PTPRM: variants seen among roughly 807,000 people sequenced by gnomAD.
The protein encoded by PTPRM is receptor-type tyrosine-protein phosphatase mu.
In PTPRM, 47 loss-of-function variants were observed where a neutral mutation model predicts 186.7. That is an observed-to-expected ratio of 0.25 (90% confidence interval 0.20 to 0.32). The LOEUF is 0.32. Ranked by LOEUF, PTPRM falls within the 10% of genes least tolerant of loss-of-function variation. The pLI is 1.00. For missense variants in PTPRM, 1,494 were observed against 1,865.0 expected (o/e 0.80, Z 3.66); for synonymous variants, 668 against 674.9 (o/e 0.99, Z 0.16).
At chr18:8,257,912 A>C (rs1055648189) in intron 19 of PTPRM, among the ~76,000 whole-genome samples, 1 of 152,244 alleles carries the variant, frequency 6.6e-6, no homozygotes, top group African/African-American at 2.4e-5. Context: ...CAAGTAGCCG[A>C]CAGAAGTATG....
intron 1 of PTPRM, among the ~76,000 whole-genome samples, chr18:7,770,664 T>C (rs940854425): frequency 6.6e-6 from 1 of 152,240 alleles, no homozygotes; most frequent in South Asian, 2.1e-4. Context: ...AGTGGAAGAA[T>C]TGGGGATATG....
intron 8 of PTPRM, among the ~76,000 whole-genome samples, chr18:8,074,170 ATCCTAGGCAGGCT>A (rs1369673020): frequency 6.6e-6 from 1 of 152,166 alleles, no homozygotes; most frequent in East Asian, 1.9e-4. Flanking sequence ...TCCTTTTGAA[ATCCTAGGCAGGCT>A]TTCCAATCTG....
intron 1 of PTPRM, among the ~76,000 whole-genome samples, chr18:7,753,088 G>A (rs1286777109): frequency 6.6e-6 from 1 of 152,050 alleles, no homozygotes; most frequent in East Asian, 1.9e-4. Flanking sequence ...GTTTGGAAGG[G>A]GATACAGGTC....
intron 22 of PTPRM, among the ~76,000 whole-genome samples, chr18:8,325,435 C>T (rs1175206453): frequency 4.6e-5 from 7 of 152,100 alleles, no homozygotes; most frequent in East Asian, 1.9e-4. Flanking sequence ...TCCGTTCCTG[C>T]GATTGGTCAG....
In PTPRM at chr18:8,344,448, G is replaced by GTGTA. The variant is rs1360655194; in HGVS notation, c.3054+929_3054+930insGTAT. ...TATATATATGTGTGTGTGTGTGTGT[G>GTGTA]TATATATATATATATATATATATAT... is the stretch of plus-strand genomic sequence containing the variant. On this transcript the variant is annotated intron_variant, in intron 23 of 32. Coordinates refer to ENST00000580170, the MANE Select transcript of PTPRM (RefSeq NM_001105244.2). Among the ~76,000 whole-genome samples, 254 of 33,406 alleles carry GTGTA rather than the reference G, an allele frequency of 7.6e-3. 1 individual carries two copies. The highest frequency in any genetic ancestry group is 0.017 in the African/African-American group (222 of 13,378). 21.9% of individuals were successfully genotyped at this position (33,406 alleles called of 152,430 possible). A position where few individuals can be genotyped will look rare whatever the true frequency, so the allele number is the denominator to read the frequency against.
chr18:7,768,509 A>T (rs139802409), intron 1 of PTPRM, among the ~76,000 whole-genome samples: 1 of 152,150 alleles, frequency 6.6e-6, no homozygotes, highest in Non-Finnish European at 1.5e-5. Flanking sequence ...CACAAAGAAT[A>T]AAAAGCATGT....
intron 14 of PTPRM, among the ~76,000 whole-genome samples, chr18:8,164,786 A>G (rs1168653635): frequency 6.6e-6 from 1 of 152,232 alleles, no homozygotes; most frequent in African/African-American, 2.4e-5. Context: ...ATAGTTGCAC[A>G]ACTATGTGCA....
At chr18:8,086,985 A>G (rs1405634282) in intron 10 of PTPRM, among the ~76,000 whole-genome samples, 1 of 152,138 alleles carries the variant, frequency 6.6e-6, no homozygotes, top group Admixed American at 6.6e-5. Context: ...ATAATTAGAG[A>G]TTAGAAAACT....
At chr18:7,658,363 T>TAC (rs57183909) in intron 1 of PTPRM, among the ~76,000 whole-genome samples, 49 of 142,100 alleles carry the variant, frequency 3.4e-4, no homozygotes, top group South Asian at 6.6e-4. Context: ...TATATATACA[T>TAC]ACACACACAC....
rs2094428012 is a variant in PTPRM at position 8,240,853 on chromosome 18, AAG to A, written c.2301-3203_2301-3202del. ...AAGAAAGAAAGAAAGAAAAGAAAGA[AAG>A]AAAGAAATTGAAAGTTTGTGGCAAC... On this transcript the variant is annotated intron_variant, in intron 14 of 32. Transcript: ENST00000580170. 2.1e-5 allele frequency among the ~76,000 whole-genome samples: 3 copies of A among 145,676 alleles called. No individual in the cohort carries two copies. In the South Asian group the frequency reaches 6.6e-4, roughly 32 times the overall value.
chr18:7,719,771 T>C (rs1331122380), intron 1 of PTPRM, among the ~76,000 whole-genome samples: 2 of 152,126 alleles, frequency 1.3e-5, no homozygotes, highest in Admixed American at 1.3e-4. Flanking sequence ...CAAGGAAAAA[T>C]AGAGGCTTAA....
intron 5 of PTPRM, chr18:7,946,894 G>T: frequency 2.2e-6 from 1 of 455,738 alleles, no homozygotes; most frequent in Admixed American, 2.4e-5. Context: ...AGCTGAAGCT[G>T]CCTGGGAGGA....
chr18:8,372,923 A>G (rs2095672198), intron 24 of PTPRM, among the ~76,000 whole-genome samples: 1 of 152,078 alleles, frequency 6.6e-6, no homozygotes, highest in Non-Finnish European at 1.5e-5. Context: ...AGCTAAAGGA[A>G]GGGTTTGTTT....
At chr18:7,697,773 G>A (rs1598392660) in intron 1 of PTPRM, among the ~76,000 whole-genome samples, 1 of 152,206 alleles carries the variant, frequency 6.6e-6, no homozygotes, top group East Asian at 1.9e-4. Flanking sequence ...GGCACAGATA[G>A]AGGATGTCAT....
Position 7,940,626 on chromosome 18 carries a change from C to T in PTPRM, c.664-8555C>T, listed in dbSNP as rs148871700. On this transcript the variant is annotated intron_variant, in intron 5 of 32. Transcript: ENST00000580170. ...GGCTGAGTCAGCCGGCACAGTGGTG[C>T]GGCCATGGCACAGTGGGACTGGGAG... Among the ~76,000 whole-genome samples, 741 of 150,116 alleles carry T rather than the reference C, an allele frequency of 4.9e-3. 6 individuals carry two copies. Among genetic ancestry groups the T allele is most frequent in the African/African-American group, 0.017 (702 of 40,848 alleles).
chr18:8,014,901 ATT>A (rs1487705397), intron 7 of PTPRM, among the ~76,000 whole-genome samples: 1 of 151,752 alleles, frequency 6.6e-6, no homozygotes, highest in Non-Finnish European at 1.5e-5. Flanking sequence ...CAATTACAGA[ATT>A]TTTTTCATGA....
chr18:7,991,735 A>C (rs1368062453), intron 7 of PTPRM, among the ~76,000 whole-genome samples: 1 of 152,134 alleles, frequency 6.6e-6, no homozygotes, highest in Admixed American at 6.6e-5. Context: ...AGTAACTGAC[A>C]CAAAGGATTT....
intron 26 of PTPRM, 133 bp from the exon 27 acceptor site, chr18:8,378,132 T>G: frequency 2.3e-6 from 2 of 882,982 alleles, no homozygotes; most frequent in Non-Finnish European, 3.5e-6. Flanking sequence ...TCCTAGCACT[T>G]GAGCCCTTGG....
At position 7,591,630 on chromosome 18, in the gene PTPRM, A is replaced by T. The variant is rs2037129339; in HGVS notation, c.73+23739A>T. 2.0e-5 allele frequency among the ~76,000 whole-genome samples: 3 copies of T among 152,228 alleles called. No homozygotes were observed. In the South Asian group the frequency reaches 6.2e-4, roughly 32 times the overall value. The stretch of plus-strand genomic sequence containing the variant: ...AAAATAAATGATAATTAACATAAAG[A>T]ATTAACGAAAATCTCCAGAGTGCTA... On this transcript the variant is annotated intron_variant, in intron 1 of 32. Coordinates refer to ENST00000580170, the MANE Select transcript of PTPRM (RefSeq NM_001105244.2).
Sources: gnomAD v4.1 joint callset for allele counts (sites outside exome capture counted in the v4.1 genomes callset) on GRCh38, gnomAD v4.1.1 for gene constraint, MANE v1.5 for transcripts, NCBI Gene and HGNC (gene_info 2026-07-23, HGNC 2026-07-21) for gene names.